SMC1B: variants seen among roughly 807,000 people sequenced by gnomAD.
SMC1B encodes structural maintenance of chromosomes protein 1B.
Under a neutral mutation model 157.9 loss-of-function variants are expected in SMC1B, and 60 were observed. The observed-to-expected ratio is 0.38, with a 90% CI of 0.31 to 0.47. The LOEUF (loss-of-function observed/expected upper bound fraction) is 0.47, where lower values mean the gene tolerates loss of function less well. SMC1B is among the 20% of genes least tolerant of loss of function. The probability of loss-of-function intolerance (pLI) is 0.99; values close to 1 mark genes in which losing one functional copy is unlikely to be tolerated. For missense variants in SMC1B, 1,165 were observed against 1,426.2 expected (o/e 0.82, Z 2.95); for synonymous variants, 445 against 483.0 (o/e 0.92, Z 1.03).
chr22:45,412,595 C>CT (rs917267735), intron 1 of SMC1B, among the ~76,000 whole-genome samples: 1 of 150,618 alleles, frequency 6.6e-6, no homozygotes, highest in Non-Finnish European at 1.5e-5. Flanking sequence ...CAACTTCCAC[C>CT]TCCCAGGTTC....
At chr22:45,350,429 C>T (rs5765268) in intron 22 of SMC1B, among the ~76,000 whole-genome samples, 1 of 152,422 alleles carries the variant, frequency 6.6e-6, no homozygotes, top group East Asian at 1.9e-4. Context: ...AGGCGTGCGC[C>T]ACTATGCCCA....
At chr22:45,386,415 C>T (rs930519793) in intron 11 of SMC1B, among the ~76,000 whole-genome samples, 1 of 151,664 alleles carries the variant, frequency 6.6e-6, no homozygotes, top group Non-Finnish European at 1.5e-5. Context: ...ATTGTGTTTT[C>T]TAGAAATTCA....
In SMC1B at chr22:45,345,560, A is replaced by G. The variant is rs749046928; in HGVS notation, c.3505T>C (p.Tyr1169His). Residue 1169 changes from tyrosine (Y) to histidine (H), a missense_variant, in exon 24 of 25, where the codon TAC (tyrosine) becomes CAC (histidine). Physicochemically the swap from Tyr to His is moderately conservative, Grantham distance 83. Coordinates refer to ENST00000357450, the MANE Select transcript of SMC1B (RefSeq NM_148674.5). ...DNTNIGKVSS[Y>H]IKEQTQDQFQ... ...TGGTCTTGAGTTTGCTCTTTGATGT[A>G]ACTTGACACCTGGAAGAAATAAAAA... 6.2e-7 allele frequency: 1 copy of G among 1,600,490 alleles called. No individual in the cohort carries two copies. Among genetic ancestry groups the G allele is most frequent in the South Asian group, 1.1e-5 (1 of 90,784 alleles).
At position 45,399,276 on chromosome 22, in the gene SMC1B, T is replaced by C. The variant is rs1186737641; in HGVS notation, c.932A>G (p.Lys311Arg). The change falls in exon 6 of 25, where the codon AAA (lysine) becomes AGA (arginine). Residue 311 changes from lysine to arginine, a missense_variant. Lys to Arg is a conservative substitution (Grantham distance 26). Coordinates refer to ENST00000357450, the MANE Select transcript of SMC1B (RefSeq NM_148674.5). The stretch of plus-strand genomic sequence containing the variant: ...TATTGATTTCTTAGCCACATCTAAT[T>C]TCTTAAGGTGGTGAGAAGTGTTTTC... ...AKENTSHHLK[K>R]LDVAKKSIKD... 6.2e-7 allele frequency: 1 copy of C among 1,613,998 alleles called. No individual in the cohort carries two copies. Among genetic ancestry groups the C allele is most frequent in the Non-Finnish European group, 8.5e-7 (1 of 1,179,848 alleles).
At chr22:45,391,309 T>A (rs917685657) in intron 9 of SMC1B, among the ~76,000 whole-genome samples, 3 of 152,216 alleles carry the variant, frequency 2.0e-5, no homozygotes, top group Non-Finnish European at 2.9e-5. Flanking sequence ...TCTTGATTTG[T>A]TTTCACAGCT....
At chr22:45,368,970 C>T (rs2146790525) in intron 15 of SMC1B, among the ~76,000 whole-genome samples, 1 of 152,210 alleles carries the variant, frequency 6.6e-6, no homozygotes, top group Non-Finnish European at 1.5e-5. Flanking sequence ...ACTTTCTCTT[C>T]CTATTGTAAC....
At chr22:45,349,097 C>T (rs1475977986) in intron 23 of SMC1B, among the ~76,000 whole-genome samples, 1 of 149,140 alleles carries the variant, frequency 6.7e-6, no homozygotes, top group Non-Finnish European at 1.5e-5. Context: ...TCACTGCAAA[C>T]TCCACCTCCT....
At chr22:45,396,722 ATTTT>A (rs1303203775) in intron 6 of SMC1B, among the ~76,000 whole-genome samples, 3 of 151,730 alleles carry the variant, frequency 2.0e-5, no homozygotes, top group African/African-American at 7.3e-5. Flanking sequence ...TTATTTATTT[ATTTT>A]TATTTTGCCC....
intron 2 of SMC1B, among the ~76,000 whole-genome samples, chr22:45,407,493 G>A (rs977021043): frequency 1.3e-5 from 2 of 151,206 alleles, no homozygotes; most frequent in African/African-American, 4.9e-5. Flanking sequence ...ACAGGGTCTT[G>A]CTCTGTTGAC....
intron 21 of SMC1B, among the ~76,000 whole-genome samples, chr22:45,353,079 T>G (rs2086630356): frequency 6.6e-6 from 1 of 152,064 alleles, no homozygotes. Context: ...GAGACCAGTC[T>G]GGCCAACATG....
chr22:45,408,516 G>A (rs558227884), intron 2 of SMC1B, among the ~76,000 whole-genome samples, 194 bp downstream of exon 2: 78 of 152,276 alleles, frequency 5.1e-4, no homozygotes, highest in African/African-American at 1.9e-3. Context: ...AGGAAAAGCA[G>A]ACATAATTGG....
At chr22:45,345,419 G>T in intron 24 of SMC1B, 40 bp downstream of exon 24, 1 of 1,280,624 alleles carries the variant, frequency 7.8e-7, no homozygotes, top group Non-Finnish European at 1.1e-6. Flanking sequence ...AAGGGAAGTT[G>T]GCATTGGGTA....
At position 45,354,125 on chromosome 22, in the gene SMC1B, C is replaced by T. The variant is rs2086646660; in HGVS notation, c.3126G>A (p.Glu1042=). The T allele has an allele frequency of 6.4e-7, 1 of 1,560,984 alleles. No homozygotes were observed. Among genetic ancestry groups the T allele is most frequent in the East Asian group, 2.4e-5 (1 of 42,186 alleles). ...ACAGTCTGGCTTCCTTTCTGCTGGCCTCAAAAGCTAAGAGAGAATCAATGT... is the reference window on the plus strand; with the variant it reads ...ACAGTCTGGCTTCCTTTCTGCTGGCTTCAAAAGCTAAGAGAGAATCAATGT... ...DKFQESTDAF[E]ASRKEARLCR... is the part of the protein sequence containing the mutation. Residue 1042 remains glutamate, a synonymous_variant, in exon 21 of 25, where the codon GAG becomes GAA. Coordinates refer to ENST00000357450, the MANE Select transcript of SMC1B (RefSeq NM_148674.5).
In SMC1B at chr22:45,358,755, A is replaced by T. The variant is rs759856679; in HGVS notation, c.2903T>A (p.Ile968Asn). The T allele has an allele frequency of 6.2e-7, 1 of 1,613,242 alleles. No homozygotes were observed. Among genetic ancestry groups the T allele is most frequent in the Non-Finnish European group, 8.5e-7 (1 of 1,179,604 alleles). ...EAESTQATID[I>N]YEKEEAFEID... The stretch of plus-strand genomic sequence containing the variant: ...TTCAAAGGCTTCTTCTTTTTCATAG[A>T]TATCAATTGTTGCCTGGGTACTTTC... The change falls in exon 19 of 25, where the codon ATC (isoleucine) becomes AAC (asparagine). Residue 968 changes from isoleucine to asparagine, a missense_variant. Transcript: ENST00000357450.
chr22:45,355,041 G>C lies in SMC1B; in HGVS notation c.3036C>G (p.Ile1012Met), dbSNP rs1246538917. 1.2e-6 allele frequency: 2 copies of C among 1,614,210 alleles called. No individual in the cohort carries two copies. The highest frequency in any genetic ancestry group is 3.3e-5 in the Admixed American group (2 of 60,026). The part of the protein sequence containing the change: ...LLQQVASQED[I>M]LLKTAAPNLR... The stretch of plus-strand genomic sequence containing the variant: ...GGTTTGGGGCTGCTGTTTTCAGTAA[G>C]ATATCTTCCTGGGATGCTACTTGCT... Residue 1012 changes from isoleucine (I) to methionine (M), a missense_variant, in exon 20 of 25, where the codon ATC (isoleucine) becomes ATG (methionine). Transcript: ENST00000357450.
intron 8 of SMC1B, 66 bp from the exon 9 acceptor site, chr22:45,393,907 C>T: frequency 8.9e-7 from 1 of 1,117,856 alleles, no homozygotes; most frequent in Non-Finnish European, 1.3e-6. Context: ...CCAGGTACAA[C>T]ATACTCCTGT....
chr22:45,403,931 T>TTTTGTTTG (rs560579074), intron 4 of SMC1B, among the ~76,000 whole-genome samples: 1 of 151,920 alleles, frequency 6.6e-6, no homozygotes, highest in African/African-American at 2.4e-5. Flanking sequence ...AGAGGGTGTT[T>TTTTGTTTG]TTTGTTTGTT....
intron 18 of SMC1B, among the ~76,000 whole-genome samples, chr22:45,359,081 CAAAAAA>C (rs963341609): frequency 6.6e-6 from 1 of 151,904 alleles, no homozygotes; most frequent in Admixed American, 6.6e-5. Context: ...AAAACAAAAA[CAAAAAA>C]ACCCCTGCAA....
chr22:45,399,350 C>T lies in SMC1B; in HGVS notation c.858G>A (p.Ser286=), dbSNP rs371111515. 7.1e-5 allele frequency: 113 copies of T among 1,587,832 alleles called. 1 individual carries two copies. The highest frequency in any genetic ancestry group is 2.2e-4 in the East Asian group (10 of 44,652). ...TCTTCTGATTTAAAAGGGTTTCAAC[C>T]GATCTGAAAAGGGAAAAATGTTTGC... ...QLQQTEKELK[S]VETLLNQKRP... Residue 286 remains serine (S), a synonymous_variant, in exon 6 of 25, where the codon TCG becomes TCA. Coordinates refer to ENST00000357450, the MANE Select transcript of SMC1B (RefSeq NM_148674.5).
Sources: allele counts gnomAD v4.1 joint callset (sites outside exome capture counted in the v4.1 genomes callset), GRCh38; gene constraint gnomAD v4.1.1; transcripts MANE v1.5; gene names NCBI Gene and HGNC (gene_info 2026-07-23, HGNC 2026-07-21).